Variants in MMP7 observed in about 807,000 individuals in gnomAD.
MMP7 encodes the protein matrilysin.
MMP7 carries 26 observed loss-of-function variants against 31.5 expected under a neutral mutation model. That is an observed-to-expected ratio of 0.83 (90% CI 0.61 to 1.15). The LOEUF (loss-of-function observed/expected upper bound fraction) is 1.15, where lower values mean the gene tolerates loss of function less well. Among genes scored for constraint, MMP7 ranks in the 50% most tolerant of loss-of-function variants. The pLI, the probability that MMP7 is intolerant of heterozygous loss-of-function variation, is 0.00. For synonymous variants in MMP7, 142 were observed against 124.2 expected (o/e 1.14, Z -0.95); for missense variants, 367 against 326.5 (o/e 1.12, Z -0.96).
chr11:102,528,918 AGTATG>A (rs1858702904), intron 1 of MMP7, among the ~76,000 whole-genome samples: 1 of 152,232 alleles, frequency 6.6e-6, no homozygotes, highest in African/African-American at 2.4e-5. Context: ...CTATGAAACA[AGTATG>A]GCATTGTTAT....
At chr11:102,528,535 T>C (rs1386907944) in intron 1 of MMP7, among the ~76,000 whole-genome samples, 1 of 152,234 alleles carries the variant, frequency 6.6e-6, no homozygotes, top group Non-Finnish European at 1.5e-5. Flanking sequence ...AAATGATTTA[T>C]GTGCCCAGGT....
At chr11:102,529,700 T>C (rs1449774502) in intron 1 of MMP7, among the ~76,000 whole-genome samples, 1 of 152,206 alleles carries the variant, frequency 6.6e-6, no homozygotes, top group Non-Finnish European at 1.5e-5. Flanking sequence ...ATCATCCCAT[T>C]AGTTAACCAA....
At chr11:102,528,656 C>G (rs1039628984) in intron 1 of MMP7, among the ~76,000 whole-genome samples, 4 of 152,170 alleles carry the variant, frequency 2.6e-5, no homozygotes, top group Non-Finnish European at 4.4e-5. Context: ...TGTTAAATCT[C>G]TAGTCAAACC....
chr11:102,526,212 C>T (rs1318258695), intron 3 of MMP7, among the ~76,000 whole-genome samples: 21 of 51,358 alleles, frequency 4.1e-4, no homozygotes, highest in African/African-American at 7.6e-4. Flanking sequence ...GAAAAACCCA[C>T]GTAAAAAAAA....
In MMP7 at chr11:102,525,015, A is replaced by G; in HGVS notation, c.534T>C (p.His178=). The G allele has an allele frequency of 6.2e-7, 1 of 1,613,960 alleles. No homozygotes were observed. The highest frequency in any genetic ancestry group is 1.6e-4 in the Middle Eastern group (1 of 6,062). The change falls in exon 4 of 6, where the codon CAT becomes CAC. Residue 178 remains histidine, a synonymous_variant. Transcript: ENST00000260227. ...CGAGACCTGTCCCAGGCGCAAAGGC[A>G]TGAGCCAGCGTGTTTCCTGGCCCAT... ...PFDGPGNTLA[H]AFAPGTGLGG...
chr11:102,526,165 T>C (rs1173961003), intron 3 of MMP7, among the ~76,000 whole-genome samples: 2 of 149,990 alleles, frequency 1.3e-5, no homozygotes, highest in African/African-American at 2.5e-5. Flanking sequence ...CACACACATA[T>C]ATAACACATA....
At chr11:102,527,466 T>C (rs1045273096) in intron 3 of MMP7, 58 bp downstream of exon 3, 8 of 1,602,938 alleles carry the variant, frequency 5.0e-6, no homozygotes, top group Non-Finnish European at 6.8e-6. Context: ...AGAGCACTGA[T>C]ATAAACCATG....
intron 5 of MMP7, among the ~76,000 whole-genome samples, chr11:102,522,541 C>T (rs1294025728): frequency 3.3e-5 from 5 of 152,224 alleles, no homozygotes; most frequent in African/African-American, 1.2e-4. Context: ...TCGACAGTCA[C>T]ATGACCTTGG....
intron 3 of MMP7, among the ~76,000 whole-genome samples, chr11:102,525,378 G>A: frequency 6.6e-6 from 1 of 151,734 alleles, no homozygotes; most frequent in East Asian, 1.9e-4. Flanking sequence ...GGAGGCGGAA[G>A]TTGCAGTGAG....
At position 102,527,795 on chromosome 11, in the gene MMP7, T is replaced by C. The variant is rs867475146; in HGVS notation, c.297A>G (p.Pro99=). Residue 99 remains proline (P), a synonymous_variant, in exon 2 of 6, where the codon CCA becomes CCG. Coordinates refer to ENST00000260227, the MANE Select transcript of MMP7 (RefSeq NM_002423.5). ...CTTTGGAAGTCCATTTTGGGCTATT[T>C]GGAAATAGTGAGTATTCTGCAACAT... ...VPDVAEYSLF[P]NSPKWTSKVV... is the part of the protein sequence containing the mutation. 5.0e-6 allele frequency: 8 copies of C among 1,614,190 alleles called. 1 individual carries two copies. The Middle Eastern group carries it at 1.3e-3, about 266-fold the overall frequency.
chr11:102,523,968 CT>C (rs111690913), intron 4 of MMP7, among the ~76,000 whole-genome samples: 4 of 152,246 alleles, frequency 2.6e-5, no homozygotes, highest in African/African-American at 7.2e-5. Flanking sequence ...CAATGCTGGG[CT>C]TTGTTTTTGA....
In MMP7 at chr11:102,523,257, C is replaced by A. The variant is rs1858632782; in HGVS notation, c.758G>T (p.Gly253Val). Residue 253 changes from glycine to valine, a missense_variant, in exon 5 of 6, where the codon GGC (glycine) becomes GTC (valine). Coordinates refer to ENST00000260227, the MANE Select transcript of MMP7 (RefSeq NM_002423.5). ...NFKLSQDDIKGIQKLYGKRSN... is the reference protein window; with the variant it reads ...NFKLSQDDIKVIQKLYGKRSN... ...AATATTACCATATAGTTTCTGAATG[C>A]CTTTAATATCATCCTGGGAAAGTTT... The A allele has an allele frequency of 6.2e-7, 1 of 1,606,416 alleles. No individual in the cohort carries two copies. Among genetic ancestry groups the A allele is most frequent in the Non-Finnish European group, 8.5e-7 (1 of 1,174,968 alleles).
At position 102,527,531 on chromosome 11, in the gene MMP7, C is replaced by T. The variant is rs752955185; in HGVS notation, c.477G>A (p.Ala159=). The change falls in exon 3 of 6, where the codon GCG becomes GCA. Residue 159 remains alanine, a synonymous_variant. Coordinates refer to ENST00000260227, the MANE Select transcript of MMP7 (RefSeq NM_002423.5). ...WGTADIMIGF[A]RGAHGDSYPF... ...TACAGGAATCTTTCTTACCTCCTCG[C>T]GCAAAGCCAATCATGATGTCAGCAG... 9.3e-6 allele frequency: 15 copies of T among 1,614,014 alleles called. No homozygotes were observed. In the East Asian group the frequency reaches 1.3e-4, roughly 14 times the overall value.
At chr11:102,521,400 G>T (rs1327164573) in intron 5 of MMP7, among the ~76,000 whole-genome samples, 1 of 152,106 alleles carries the variant, frequency 6.6e-6, no homozygotes, top group Non-Finnish European at 1.5e-5. Context: ...GTTTTACCAT[G>T]TTGTCCAGGT....
Position 102,527,867 on chromosome 11 carries a change from G to T in MMP7, c.225C>A (p.Asn75Lys), listed in dbSNP as rs139597683. The T allele has an allele frequency of 6.2e-7, 1 of 1,614,010 alleles. No individual in the cohort carries two copies. Among genetic ancestry groups the T allele is most frequent in the African/African-American group, 1.3e-5 (1 of 74,922 alleles). Residue 75 changes from asparagine (N) to lysine (K), a missense_variant, in exon 2 of 6, where the codon AAC becomes AAA. Asn to Lys is a moderately conservative substitution (Grantham distance 94). Transcript: ENST00000260227. ...TCTGCATTATTTCTATGACGCGGGAGTTTAACATTCCAGTTATAGGTAGGC... is the reference window on the plus strand; with the variant it reads ...TCTGCATTATTTCTATGACGCGGGATTTTAACATTCCAGTTATAGGTAGGC... ...FFGLPITGMLNSRVIEIMQKP... is the reference protein window; with the variant it reads ...FFGLPITGMLKSRVIEIMQKP...
At chr11:102,524,765 G>GT (rs915610908) in intron 4 of MMP7, 171 bp downstream of exon 4, 2 of 610,844 alleles carry the variant, frequency 3.3e-6, no homozygotes, top group African/African-American at 3.8e-5. Context: ...CATCTTCTGT[G>GT]TGTAGCATTA....
At chr11:102,521,881 T>C (rs1482087052) in intron 5 of MMP7, among the ~76,000 whole-genome samples, 4 of 152,218 alleles carry the variant, frequency 2.6e-5, no homozygotes, top group Admixed American at 2.6e-4. Flanking sequence ...ATGATAACTT[T>C]ACGAACAATA....
intron 3 of MMP7, among the ~76,000 whole-genome samples, 166 bp from the exon 4 acceptor site, chr11:102,525,230 G>T (rs1798305975): frequency 6.6e-6 from 1 of 152,066 alleles, no homozygotes; most frequent in Admixed American, 6.5e-5. Flanking sequence ...CTGAGGTCAG[G>T]AGTTTGAGAC....
intron 4 of MMP7, 157 bp downstream of exon 4, chr11:102,524,773 TTATGAG>T (rs947158359): frequency 1.5e-4 from 99 of 681,308 alleles, no homozygotes; most frequent in Non-Finnish European, 2.0e-4. Context: ...GTGTGTAGCA[TTATGAG>T]TATATTACAT....
Sources: gnomAD v4.1 joint callset for allele counts (sites outside exome capture counted in the v4.1 genomes callset) on GRCh38, gnomAD v4.1.1 for gene constraint, MANE v1.5 for transcripts, NCBI Gene and HGNC (gene_info 2026-07-23, HGNC 2026-07-21) for gene names.